The following SMYD3 variants were observed in gnomAD, a reference collection of about 807,000 sequenced individuals.
The protein encoded by SMYD3 is histone-lysine N-methyltransferase SMYD3.
SMYD3 carries 36 observed loss-of-function variants against 57.7 expected under a neutral mutation model. The ratio of observed to expected loss-of-function variants is 0.62; its 90% confidence interval spans 0.48 to 0.82. SMYD3 has a LOEUF of 0.82. Among genes scored for constraint, SMYD3 ranks in the 40% least tolerant of loss-of-function variants. The pLI is 0.00. For synonymous variants in SMYD3, 211 were observed against 195.0 expected, an observed-to-expected ratio of 1.08 and a Z score of -0.68; for missense variants, 515 against 538.8, an observed-to-expected ratio of 0.96 and a Z score of 0.44.
intron 1 of SMYD3, among the ~76,000 whole-genome samples, chr1:246,430,824 G>A (rs533546656): frequency 6.6e-6 from 1 of 152,250 alleles, no homozygotes; most frequent in South Asian, 2.1e-4. Flanking sequence ...CCTGAGGAAC[G>A]TCAACATTAG....
At chr1:246,453,155 C>T (rs1322433838) in intron 1 of SMYD3, among the ~76,000 whole-genome samples, 1 of 152,056 alleles carries the variant, frequency 6.6e-6, no homozygotes, top group African/African-American at 2.4e-5. Context: ...AGGGAGAGAG[C>T]AAGGCACAGA....
chr1:246,077,359 A>G (rs1055415034), intron 5 of SMYD3, among the ~76,000 whole-genome samples: 5 of 152,220 alleles, frequency 3.3e-5, no homozygotes, highest in South Asian at 4.1e-4. Context: ...ATCCAACCTC[A>G]GGCAGACTGC....
rs796683011 is a variant in SMYD3 at position 246,031,737 on chromosome 1, G to A, written c.532-101800C>T. Among the ~76,000 whole-genome samples, 80 of 136,824 alleles carry A rather than the reference G, an allele frequency of 5.8e-4. 1 individual carries two copies. The highest frequency in any genetic ancestry group is 1.6e-3 in the African/African-American group (61 of 37,244). 89.8% of individuals were successfully genotyped at this position (136,824 alleles called of 152,430 possible). A position where few individuals can be genotyped will look rare whatever the true frequency, so the allele number is the denominator to read the frequency against. The stretch of plus-strand genomic sequence containing the variant: ...GGGCGACAGAGCGAGACTTTGTCTC[G>A]AAAAAAAAAAAAAAAGTTAGTGAAG... On this transcript the variant is annotated intron_variant, in intron 5 of 11. Coordinates refer to ENST00000490107, the MANE Select transcript of SMYD3 (RefSeq NM_001167740.2).
intron 1 of SMYD3, among the ~76,000 whole-genome samples, chr1:246,503,510 A>T (rs1314968936): frequency 6.6e-6 from 1 of 152,222 alleles, no homozygotes; most frequent in East Asian, 1.9e-4. Context: ...GCACTACACT[A>T]GGGAGTGAGA....
chr1:246,217,607 A>T (rs550343736), intron 5 of SMYD3, among the ~76,000 whole-genome samples: 1 of 152,336 alleles, frequency 6.6e-6, no homozygotes, highest in South Asian at 2.1e-4. Flanking sequence ...ATCAACTCAC[A>T]AAGAGTTTCT....
intron 1 of SMYD3, among the ~76,000 whole-genome samples, chr1:246,487,205 T>C (rs1300825423): frequency 2.0e-4 from 1 of 5,006 alleles, no homozygotes; most frequent in East Asian, 0.12. Context: ...CCCAGCACTC[T>C]GGGAGGCCAA....
intron 5 of SMYD3, among the ~76,000 whole-genome samples, chr1:246,236,404 T>A (rs973677068): frequency 1.3e-5 from 2 of 151,932 alleles, no homozygotes; most frequent in Non-Finnish European, 2.9e-5. Flanking sequence ...TAACTTTTTT[T>A]ATTTAATTAA....
chr1:246,436,121 C>G (rs968837468), intron 1 of SMYD3, among the ~76,000 whole-genome samples: 3 of 150,272 alleles, frequency 2.0e-5, no homozygotes, highest in African/African-American at 4.9e-5. Flanking sequence ...CCTTCACCCA[C>G]TTGAGAGAGA....
chr1:245,952,815 T>C lies in SMYD3; in HGVS notation c.532-22878A>G, dbSNP rs116729398. On this transcript the variant is annotated intron_variant, in intron 5 of 11. Coordinates refer to ENST00000490107, the MANE Select transcript of SMYD3 (RefSeq NM_001167740.2). ...TCGAGCAGAACGCTGTGAAAACGCATACTAAAATGATGAGCCTGAACTCCC... is the reference window on the plus strand; with the variant it reads ...TCGAGCAGAACGCTGTGAAAACGCACACTAAAATGATGAGCCTGAACTCCC... 2.3e-3 allele frequency among the ~76,000 whole-genome samples: 354 copies of C among 152,282 alleles called. 1 individual carries two copies. The highest frequency in any genetic ancestry group is 8.1e-3 in the African/African-American group (337 of 41,558).
intron 11 of SMYD3, among the ~76,000 whole-genome samples, chr1:245,758,034 A>AAT (rs2045683338): frequency 6.6e-6 from 1 of 152,180 alleles, no homozygotes; most frequent in African/African-American, 2.4e-5. Flanking sequence ...ACATCTTAAT[A>AAT]ATACTAAGTC....
chr1:245,809,888 A>G (rs1428675725), intron 10 of SMYD3, among the ~76,000 whole-genome samples: 1 of 152,220 alleles, frequency 6.6e-6, no homozygotes, highest in Non-Finnish European at 1.5e-5. Context: ...CTGAGTCTTC[A>G]TCATAGATGA....
At chr1:246,269,543 C>CTTTTTTTTTTTTTTTT (rs570972296) in intron 5 of SMYD3, among the ~76,000 whole-genome samples, 14 of 135,200 alleles carry the variant, frequency 1.0e-4, no homozygotes, top group South Asian at 7.5e-4. Context: ...CTTTTTTTTT[C>CTTTTTTTTTTTTTTTT]TTTTTTTTTT....
chr1:245,928,741 T>C (rs529725597), intron 6 of SMYD3, among the ~76,000 whole-genome samples: 11 of 152,196 alleles, frequency 7.2e-5, no homozygotes, highest in African/African-American at 2.6e-4. Flanking sequence ...TCCCATAGGA[T>C]CTCATTTGTT....
chr1:246,019,670 G>A (rs2059435706), intron 5 of SMYD3, among the ~76,000 whole-genome samples: 1 of 152,076 alleles, frequency 6.6e-6, no homozygotes, highest in South Asian at 2.1e-4. Context: ...GATTACCTAG[G>A]TCCATCTGTG....
At chr1:246,454,911 T>C (rs1036846069) in intron 1 of SMYD3, among the ~76,000 whole-genome samples, 1 of 152,180 alleles carries the variant, frequency 6.6e-6, no homozygotes, top group African/African-American at 2.4e-5. Context: ...CTATTTATAG[T>C]ACTGTAATAA....
chr1:246,253,619 G>A (rs748902322), intron 5 of SMYD3, among the ~76,000 whole-genome samples: 16 of 152,096 alleles, frequency 1.1e-4, no homozygotes, highest in Admixed American at 5.2e-4. Context: ...ACTTGTTTGC[G>A]TCATTTCTGA....
rs559424568 is a variant in SMYD3, at chr1:245,986,411, C to T, written c.532-56474G>A. On this transcript the variant is annotated intron_variant, in intron 5 of 11. Transcript: ENST00000490107. ...CCATTTCAGTAAAAGACAGCTACTCCCAAATACATTTTTGCTGTATGCAAC... is the reference window on the plus strand; with the variant it reads ...CCATTTCAGTAAAAGACAGCTACTCTCAAATACATTTTTGCTGTATGCAAC... Among the ~76,000 whole-genome samples the T allele has an allele frequency of 5.9e-5, 9 of 152,290 alleles. No individual in the cohort carries two copies. The South Asian group carries it at 1.9e-3, about 32-fold the overall frequency.
intron 5 of SMYD3, among the ~76,000 whole-genome samples, chr1:246,287,030 C>A (rs1286799428): frequency 6.6e-6 from 1 of 151,890 alleles, no homozygotes; most frequent in Non-Finnish European, 1.5e-5. Context: ...GCCACCAGGA[C>A]CGGCTAATTT....
chr1:246,083,040 G>A (rs1558212221), intron 5 of SMYD3, among the ~76,000 whole-genome samples: 1 of 151,556 alleles, frequency 6.6e-6, no homozygotes, highest in Non-Finnish European at 1.5e-5. Flanking sequence ...CTCCCCATGT[G>A]ACAGTCTGAA....
Sources: allele counts gnomAD v4.1 joint callset (sites outside exome capture counted in the v4.1 genomes callset), GRCh38; gene constraint gnomAD v4.1.1; transcripts MANE v1.5; gene names NCBI Gene and HGNC (gene_info 2026-07-23, HGNC 2026-07-21).